The following GRB10 variants were observed in gnomAD, a reference collection of about 807,000 sequenced individuals.
GRB10 encodes the protein growth factor receptor bound protein 10, also known as growth factor receptor-bound protein 10.
GRB10 carries 20 observed loss-of-function variants against 80.9 expected under a neutral mutation model. The ratio of observed to expected loss-of-function variants is 0.25; its 90% CI spans 0.17 to 0.36. GRB10 has a LOEUF of 0.36. GRB10 is among the 10% of genes least tolerant of loss of function. The pLI is 1.00. For missense variants in GRB10, 548 were observed against 747.7 expected (o/e 0.73, Z 3.12); for synonymous variants, 291 against 291.5 (o/e 1.00, Z 0.02).
intron 5 of GRB10, among the ~76,000 whole-genome samples, chr7:50,676,487 A>C (rs1021285117): frequency 6.6e-6 from 1 of 152,214 alleles, no homozygotes; most frequent in Non-Finnish European, 1.5e-5. Context: ...ACCTGGCTTA[A>C]CAGCTGAGGA....
At chr7:50,725,978 T>C (rs2068577752) in intron 4 of GRB10, 2 of 152,210 alleles carry the variant, frequency 1.3e-5, no homozygotes, top group Non-Finnish European at 2.9e-5. Flanking sequence ...CCCTGATCTA[T>C]CCCATTACAA....
At chr7:50,726,909 T>C (rs2068743763) in intron 4 of GRB10, 1 of 152,208 alleles carries the variant, frequency 6.6e-6, no homozygotes, top group Non-Finnish European at 1.5e-5. Flanking sequence ...GAGACGAATG[T>C]ACCTCTGTTA....
chr7:50,667,276 C>T (rs1227062285), intron 7 of GRB10, among the ~76,000 whole-genome samples: 1 of 152,140 alleles, frequency 6.6e-6, no homozygotes, highest in Middle Eastern at 3.2e-3. Flanking sequence ...CATTACCTTC[C>T]ATAGATTTCG....
At position 50,593,059 on chromosome 7, in the gene GRB10, C is replaced by T. The variant is rs1208311662; in HGVS notation, c.1678G>A (p.Gly560Arg). Reference sequence around the variant, plus strand: ...ATCAGGTCAGAGAATTTGGTGTTCCCGTCATCTAGGCTGAAGAACGTCTGC... The same window carrying T: ...ATCAGGTCAGAGAATTTGGTGTTCCTGTCATCTAGGCTGAAGAACGTCTGC... Reference protein sequence around the residue: ...DGQTFFSLDDGNTKFSDLIQL... With the variant: ...DGQTFFSLDDRNTKFSDLIQL... The change falls in exon 19 of 19, where the codon GGG (glycine) becomes AGG (arginine). Residue 560 changes from glycine (G) to arginine (R), a missense_variant. This residue lies in a region of GRB10 where 32 missense variants were observed against 66.0 expected (regional missense o/e 0.48). Transcript: ENST00000401949. 1.2e-6 allele frequency: 2 copies of T among 1,614,048 alleles called. No homozygotes were observed. The highest frequency in any genetic ancestry group is 1.7e-6 in the Non-Finnish European group (2 of 1,180,044).
At position 50,732,429 on chromosome 7, in the gene GRB10, A is replaced by C. The variant is rs981060020; in HGVS notation, c.-46-61T>G. The C allele has an allele frequency of 1.5e-5, 15 of 1,000,588 alleles. No individual in the cohort carries two copies. The East Asian group carries it at 3.7e-4, about 25-fold the overall frequency. The allele number at this position is 1,000,588 out of a possible 1,614,324, so 62.0% of individuals were successfully genotyped here. ...AAAAAAAAAAAAAAATCCACTACTT[A>C]TGGCTGGTTCAAGTGTGACATGTCT... On this transcript the variant is annotated intron_variant, in intron 3 of 18. Coordinates refer to ENST00000401949, the MANE Select transcript of GRB10 (RefSeq NM_001350814.2).
At chr7:50,651,720 A>G (rs2058025198) in intron 7 of GRB10, among the ~76,000 whole-genome samples, 1 of 152,222 alleles carries the variant, frequency 6.6e-6, no homozygotes, top group African/African-American at 2.4e-5. Context: ...CACTTTTACA[A>G]GATTCTAACC....
intron 7 of GRB10, among the ~76,000 whole-genome samples, chr7:50,652,228 AAAG>A (rs1229595786): frequency 6.6e-6 from 1 of 152,246 alleles, no homozygotes; most frequent in Admixed American, 6.5e-5. Context: ...ATCTATAATA[AAAG>A]AATATGAGAG....
chr7:50,717,999 G>A (rs763949887), intron 4 of GRB10, among the ~76,000 whole-genome samples: 1 of 152,244 alleles, frequency 6.6e-6, no homozygotes, highest in Non-Finnish European at 1.5e-5. Context: ...TCACTCCAGG[G>A]AGTCCAAAGG....
chr7:50,687,919 A>T (rs529733534), intron 5 of GRB10, among the ~76,000 whole-genome samples: 1 of 152,386 alleles, frequency 6.6e-6, no homozygotes, highest in East Asian at 1.9e-4. Context: ...CAACAAAGCC[A>T]AATTCAGTAT....
chr7:50,775,023 T>C (rs1213844775), intron 2 of GRB10, among the ~76,000 whole-genome samples: 1 of 147,790 alleles, frequency 6.8e-6, no homozygotes, highest in African/African-American at 2.5e-5. Context: ...TAGCTGGGCG[T>C]GATGGCACAC....
intron 7 of GRB10, among the ~76,000 whole-genome samples, chr7:50,648,375 A>G (rs1335048277): frequency 1.3e-5 from 2 of 152,208 alleles, no homozygotes; most frequent in African/African-American, 4.8e-5. Flanking sequence ...TGAATAGCAC[A>G]GTGGGGACAA....
At chr7:50,719,190 T>A (rs995149641) in intron 4 of GRB10, among the ~76,000 whole-genome samples, 8 of 152,292 alleles carry the variant, frequency 5.3e-5, no homozygotes, top group African/African-American at 1.9e-4. Flanking sequence ...GGGCGGAGAC[T>A]GCAATTTACA....
intron 1 of GRB10, among the ~76,000 whole-genome samples, chr7:50,791,916 A>AGTC (rs1353263168): frequency 6.6e-6 from 1 of 152,210 alleles, no homozygotes; most frequent in Non-Finnish European, 1.5e-5. Flanking sequence ...CACAGCCAGA[A>AGTC]GTCCCACTGC....
In GRB10 at chr7:50,592,932, A is replaced by C; in HGVS notation, c.*20T>G. 1 of 1,613,984 alleles carries C rather than the reference A, an allele frequency of 6.2e-7. No individual in the cohort carries two copies. ...CCAGTGTTCACTTCCTCCAGTCTTC[A>C]GCCGAGAGGACATCTGCGGTCATAA... On this transcript the variant is annotated 3_prime_UTR_variant, in exon 19 of 19. Coordinates refer to ENST00000401949, the MANE Select transcript of GRB10 (RefSeq NM_001350814.2).
At chr7:50,783,551 C>T (rs899462011), upstream of GRB10, among the ~76,000 whole-genome samples, 1 of 150,906 alleles carries the variant, frequency 6.6e-6, no homozygotes, top group African/African-American at 2.4e-5. Flanking sequence ...TACTCCCCCA[C>T]CCCCGCACAC....
At chr7:50,596,993 C>T (rs1478883049) in intron 17 of GRB10, among the ~76,000 whole-genome samples, 1 of 152,182 alleles carries the variant, frequency 6.6e-6, no homozygotes, top group African/African-American at 2.4e-5. Flanking sequence ...AAGGAACTCA[C>T]TTTAAATGTA....
At chr7:50,670,226 G>A (rs1405034630) in intron 6 of GRB10, among the ~76,000 whole-genome samples, 1 of 151,438 alleles carries the variant, frequency 6.6e-6, no homozygotes, top group Admixed American at 6.6e-5. Context: ...GAGGTAGGTA[G>A]TGTATTCAAA....
At chr7:50,733,502 A>T (rs897125163) in intron 3 of GRB10, among the ~76,000 whole-genome samples, 1 of 152,232 alleles carries the variant, frequency 6.6e-6, no homozygotes, top group Non-Finnish European at 1.5e-5. Flanking sequence ...TTTCTCTAGA[A>T]TCCCTCAAAT....
At chr7:50,667,229 G>C (rs1179899428) in intron 7 of GRB10, among the ~76,000 whole-genome samples, 1 of 152,058 alleles carries the variant, frequency 6.6e-6, no homozygotes, top group African/African-American at 2.4e-5. Context: ...TGAACATAAT[G>C]ACATGAATGA....
Sources: allele counts gnomAD v4.1 joint callset (sites outside exome capture counted in the v4.1 genomes callset), GRCh38; gene constraint gnomAD v4.1.1; regional missense constraint gnomAD v4.1.1; transcripts MANE v1.5; gene names NCBI Gene and HGNC (gene_info 2026-07-23, HGNC 2026-07-21).